Variants in MAN2A1 observed in about 807,000 individuals in gnomAD.
MAN2A1 encodes the protein alpha-mannosidase 2.
Under a neutral mutation model 142.6 loss-of-function variants are expected in MAN2A1, and 76 were observed. That is an observed-to-expected ratio of 0.53 (90% CI 0.44 to 0.65). The LOEUF is 0.65. Among genes scored for constraint, MAN2A1 ranks in the 30% least tolerant of loss-of-function variants. The pLI is 0.00. For missense variants in MAN2A1, 1,311 were observed against 1,365.1 expected (o/e 0.96, Z 0.62); for synonymous variants, 559 against 473.2 (o/e 1.18, Z -2.35).
chr5:109,826,802 A>G (rs1182968666), intron 16 of MAN2A1, among the ~76,000 whole-genome samples: 3 of 152,202 alleles, frequency 2.0e-5, no homozygotes, highest in Admixed American at 1.3e-4. Flanking sequence ...ATTTAGTGCC[A>G]AGTCTTCCTT....
At chr5:109,783,229 A>G (rs148478630) in intron 9 of MAN2A1, among the ~76,000 whole-genome samples, 1 of 152,156 alleles carries the variant, frequency 6.6e-6, no homozygotes, top group Non-Finnish European at 1.5e-5. Flanking sequence ...CTGCATTAAA[A>G]CAAACCAAAA....
At chr5:109,827,345 C>CTA (rs1230690753) in intron 16 of MAN2A1, among the ~76,000 whole-genome samples, 1 of 152,158 alleles carries the variant, frequency 6.6e-6, no homozygotes, top group Non-Finnish European at 1.5e-5. Flanking sequence ...AATTTAAAAA[C>CTA]TAAACTAACG....
chr5:109,745,221 G>A (rs189205963), intron 4 of MAN2A1, among the ~76,000 whole-genome samples: 1 of 152,176 alleles, frequency 6.6e-6, no homozygotes, highest in Admixed American at 6.5e-5. Context: ...CTGAAAATAT[G>A]TGTATTGTAT....
intron 5 of MAN2A1, among the ~76,000 whole-genome samples, chr5:109,761,806 T>A (rs1359026522): frequency 6.6e-6 from 1 of 152,054 alleles, no homozygotes; most frequent in East Asian, 1.9e-4. Flanking sequence ...GATTTTTTGA[T>A]AATGTTAAAA....
At chr5:109,801,200 C>A (rs1175846304) in intron 12 of MAN2A1, among the ~76,000 whole-genome samples, 1 of 152,152 alleles carries the variant, frequency 6.6e-6, no homozygotes, top group African/African-American at 2.4e-5. Flanking sequence ...AAAGTCCAGG[C>A]TGCTTTTACC....
rs560735578 is a variant in MAN2A1 at position 109,733,699 on chromosome 5, C to A, written c.707+4186C>A. On this transcript the variant is annotated intron_variant, in intron 4 of 21. Coordinates refer to ENST00000261483, the MANE Select transcript of MAN2A1 (RefSeq NM_002372.4). ...GCGTATATTGAACCAGCCTTGCATC[C>A]CAGGGATGAAGCCCACTTGATCATG... 1.6e-3 allele frequency among the ~76,000 whole-genome samples: 249 copies of A among 152,130 alleles called. 1 individual carries two copies. Among genetic ancestry groups the A allele is most frequent in the African/African-American group, 5.7e-3 (235 of 41,454 alleles).
chr5:109,712,306 T>G (rs1240760777), intron 1 of MAN2A1, among the ~76,000 whole-genome samples: 1 of 152,180 alleles, frequency 6.6e-6, no homozygotes, highest in Admixed American at 6.5e-5. Flanking sequence ...CTAAAGCATA[T>G]CATGTCATAC....
At chr5:109,721,078 A>AT (rs56301752) in intron 3 of MAN2A1, among the ~76,000 whole-genome samples, 12,830 of 152,092 alleles carry the variant, frequency 0.084, 637 homozygotes, top group African/African-American at 0.15. Flanking sequence ...ACTTTGTGTG[A>AT]TTTTTTAACC....
At chr5:109,769,644 G>C (rs1394874682) in intron 6 of MAN2A1, among the ~76,000 whole-genome samples, 1 of 152,112 alleles carries the variant, frequency 6.6e-6, no homozygotes, top group Non-Finnish European at 1.5e-5. Flanking sequence ...AAGTAATTCT[G>C]CATCAGGAAT....
At chr5:109,824,854 C>T (rs1353907547) in intron 16 of MAN2A1, among the ~76,000 whole-genome samples, 1 of 152,062 alleles carries the variant, frequency 6.6e-6, no homozygotes, top group Non-Finnish European at 1.5e-5. Context: ...TTTTTATTAA[C>T]TTCAAATTTC....
intron 12 of MAN2A1, among the ~76,000 whole-genome samples, chr5:109,800,690 A>G (rs1754004578): frequency 6.6e-6 from 1 of 152,222 alleles, no homozygotes; most frequent in South Asian, 2.1e-4. Context: ...GGGCTGGTAA[A>G]TTCTGGGATT....
intron 2 of MAN2A1, 51 bp downstream of exon 2, chr5:109,713,825 T>G: frequency 6.5e-7 from 1 of 1,535,008 alleles, no homozygotes; most frequent in Non-Finnish European, 8.8e-7. Context: ...TTTTTGTTCT[T>G]TTTAAGATTT....
chr5:109,770,195 A>G (rs1753105627), intron 6 of MAN2A1, among the ~76,000 whole-genome samples, 160 bp from the exon 7 acceptor site: 1 of 152,226 alleles, frequency 6.6e-6, no homozygotes, highest in African/African-American at 2.4e-5. Flanking sequence ...ACAGGTGGCC[A>G]TTAAATACCG....
At chr5:109,777,379 C>A (rs1753322889) in intron 8 of MAN2A1, among the ~76,000 whole-genome samples, 1 of 151,840 alleles carries the variant, frequency 6.6e-6, no homozygotes, top group Admixed American at 6.6e-5. Flanking sequence ...TGTGAAGTAC[C>A]TATTTAAGTC....
intron 16 of MAN2A1, among the ~76,000 whole-genome samples, chr5:109,828,019 C>A (rs570237675): frequency 1.3e-5 from 2 of 151,674 alleles, no homozygotes; most frequent in Non-Finnish European, 2.9e-5. Flanking sequence ...GCAGGAGAAT[C>A]GCTTCAACGC....
intron 8 of MAN2A1, among the ~76,000 whole-genome samples, chr5:109,777,631 T>G (rs974189376): frequency 6.6e-6 from 1 of 152,136 alleles, no homozygotes; most frequent in Non-Finnish European, 1.5e-5. Context: ...AATTTTTGTT[T>G]ATCATTTGGT....
At chr5:109,817,021 G>A (rs1580282034) in intron 12 of MAN2A1, among the ~76,000 whole-genome samples, 1 of 152,234 alleles carries the variant, frequency 6.6e-6, no homozygotes, top group East Asian at 1.9e-4. Context: ...TTAGCCAGAT[G>A]TAGTAGCATG....
chr5:109,852,147 A>C (rs894977097), intron 19 of MAN2A1, among the ~76,000 whole-genome samples: 31 of 151,148 alleles, frequency 2.1e-4, no homozygotes, highest in Non-Finnish European at 3.5e-4. Context: ...TTAAAAACAA[A>C]AAAAAAAAAA....
intron 4 of MAN2A1, among the ~76,000 whole-genome samples, chr5:109,743,368 G>C (rs1167104844): frequency 6.6e-6 from 1 of 152,224 alleles, no homozygotes; most frequent in Non-Finnish European, 1.5e-5. Context: ...AATAGTAAGA[G>C]ATAAGCACTC....
Sources: gnomAD v4.1 joint callset for allele counts (sites outside exome capture counted in the v4.1 genomes callset) on GRCh38, gnomAD v4.1.1 for gene constraint, MANE v1.5 for transcripts, NCBI Gene and HGNC (gene_info 2026-07-23, HGNC 2026-07-21) for gene names.